Variants in CSF2RA observed in about 807,000 individuals in gnomAD.
CSF2RA encodes the protein granulocyte-macrophage colony-stimulating factor receptor subunit alpha.
CSF2RA carries 42 observed loss-of-function variants against 51.6 expected under a neutral mutation model. The ratio of observed to expected loss-of-function variants is 0.81; its 90% confidence interval spans 0.64 to 1.05. CSF2RA has a LOEUF of 1.05. CSF2RA is among the 50% of genes least tolerant of loss of function. CSF2RA has a pLI of 0.00. For missense variants in CSF2RA, 530 were observed against 501.1 expected (o/e 1.06, Z -0.55); for synonymous variants, 222 against 193.0 (o/e 1.15, Z -1.24).
In CSF2RA at chrX:1,281,372, TCTCCTC is replaced by T. The variant is rs1247249639; in HGVS notation, c.-26-1298_-26-1293del. ...TCTTCCTCCTTCTCCTCCTCCTCCT[TCTCCTC>T]CTCCTCCCTCTCCTCCTCCTCCGCC... On this transcript the variant is annotated intron_variant, in intron 2 of 12. Coordinates refer to ENST00000381529, the MANE Select transcript of CSF2RA (RefSeq NM_172245.4). Among the ~76,000 whole-genome samples the T allele has an allele frequency of 6.1e-4, 34 of 56,106 alleles. 1 individual carries two copies. The highest frequency in any genetic ancestry group is 9.6e-4 in the Non-Finnish European group (27 of 28,154). The allele number at this position is 56,106 out of a possible 152,430, so 36.8% of individuals were successfully genotyped here. A position where few individuals can be genotyped will look rare whatever the true frequency, so the allele number is the denominator to read the frequency against.
At chrX:1,319,382 G>A in the CSF2RA span, among the ~76,000 whole-genome samples, 2 of 148,290 alleles carry the variant, frequency 1.3e-5, no homozygotes, top group African/African-American at 4.9e-5. Context: ...CAGACTCCCC[G>A]GCTTAGCGAT....
chrX:1,321,393 C>T, the CSF2RA span, among the ~76,000 whole-genome samples: 6 of 151,992 alleles, frequency 3.9e-5, no homozygotes, highest in East Asian at 1.9e-4. Context: ...GGCGTGAACC[C>T]GGGAGGCGGA....
the CSF2RA span, among the ~76,000 whole-genome samples, chrX:1,322,467 A>G: frequency 8.1e-6 from 1 of 122,756 alleles, no homozygotes; most frequent in Non-Finnish European, 1.6e-5. Context: ...TTTGAAAGGT[A>G]GCTCTCCAGA....
At chrX:1,318,203 G>A in the CSF2RA span, among the ~76,000 whole-genome samples, 1 of 147,208 alleles carries the variant, frequency 6.8e-6, no homozygotes, top group Non-Finnish European at 1.5e-5. Flanking sequence ...CATTCTAGTT[G>A]CCCAGGTTGG....
intron 12 of CSF2RA, among the ~76,000 whole-genome samples, chrX:1,309,103 G>T (rs2083970658): frequency 6.6e-6 from 1 of 152,068 alleles, no homozygotes; most frequent in Admixed American, 6.5e-5. Flanking sequence ...GCTAAAGGGG[G>T]AAAGGTGGGC....
chrX:1,280,407 G>A (rs1350871994), intron 2 of CSF2RA, among the ~76,000 whole-genome samples: 1 of 150,300 alleles, frequency 6.7e-6, no homozygotes, highest in Admixed American at 6.7e-5. Flanking sequence ...GGAGGCGGAG[G>A]TTGCAGTGAG....
intron 12 of CSF2RA, among the ~76,000 whole-genome samples, chrX:1,307,301 C>G (rs1352905872): frequency 6.6e-6 from 1 of 152,160 alleles, no homozygotes; most frequent in Non-Finnish European, 1.5e-5. Context: ...AGACCAGGCC[C>G]ACTCTTCTCC....
the CSF2RA span, among the ~76,000 whole-genome samples, chrX:1,323,884 G>GTAC: frequency 6.6e-6 from 1 of 151,874 alleles, no homozygotes; most frequent in Non-Finnish European, 1.5e-5. Flanking sequence ...CGTGGTGGTG[G>GTAC]GCGCCTGTAG....
At chrX:1,304,917 C>T (rs28566708) in intron 11 of CSF2RA, among the ~76,000 whole-genome samples, 1 of 151,524 alleles carries the variant, frequency 6.6e-6, no homozygotes, top group Non-Finnish European at 1.5e-5. Context: ...CACCCGCCTT[C>T]GCCTCCCAAA....
the CSF2RA span, among the ~76,000 whole-genome samples, chrX:1,323,712 C>G: frequency 2.0e-5 from 3 of 151,250 alleles, no homozygotes; most frequent in African/African-American, 7.3e-5. Flanking sequence ...AGTGAGACCC[C>G]CATCTCTTAA....
At chrX:1,272,550 C>T (rs191404012) in intron 1 of CSF2RA, among the ~76,000 whole-genome samples, 5 of 151,334 alleles carry the variant, frequency 3.3e-5, no homozygotes, top group Admixed American at 2.6e-4. Flanking sequence ...TGCAGTGGTG[C>T]GATCTCAGCT....
At chrX:1,305,975 G>T in intron 12 of CSF2RA, 1 of 594,932 alleles carries the variant, frequency 1.7e-6, no homozygotes. Context: ...CCAGTGACTC[G>T]GGAGGCTGGG....
intron 4 of CSF2RA, among the ~76,000 whole-genome samples, chrX:1,286,437 C>CTT (rs2090667368): frequency 6.7e-6 from 1 of 149,504 alleles, no homozygotes; most frequent in Non-Finnish European, 1.5e-5. Flanking sequence ...GGCATGGTGG[C>CTT]AGGCATCTGT....
intron 9 of CSF2RA, among the ~76,000 whole-genome samples, chrX:1,297,879 C>T: frequency 1.8e-5 from 2 of 112,514 alleles, no homozygotes; most frequent in African/African-American, 6.8e-5. Flanking sequence ...CCTGGCGGAA[C>T]CCTACAGTCC....
At chrX:1,296,068 C>A (rs1239948079) in intron 9 of CSF2RA, among the ~76,000 whole-genome samples, 7 of 151,166 alleles carry the variant, frequency 4.6e-5, no homozygotes, top group Admixed American at 4.6e-4. Flanking sequence ...CAGTCCCCTA[C>A]CCATGAGCCC....
At chrX:1,280,978 TTCTCCTCCTCCTCCTTCTCCTCCTCCTC>T (rs2089913883) in intron 2 of CSF2RA, among the ~76,000 whole-genome samples, 1 of 113,610 alleles carries the variant, frequency 8.8e-6, no homozygotes, top group East Asian at 3.0e-4. Flanking sequence ...CTCCTCCTGC[TTCTCCTCCTCCTCCTTCTCCTCCTCCTC>T]CTTCTCCTCC....
downstream of CSF2RA, among the ~76,000 whole-genome samples, chrX:1,314,995 G>C (rs1177258879): frequency 7.9e-6 from 1 of 126,916 alleles, no homozygotes; most frequent in African/African-American, 2.8e-5. Context: ...CACTGCACCT[G>C]CCCAACCCCA....
chrX:1,304,526 G>C (rs1272611718), intron 11 of CSF2RA, among the ~76,000 whole-genome samples: 3 of 151,710 alleles, frequency 2.0e-5, no homozygotes, highest in Non-Finnish European at 4.4e-5. Flanking sequence ...CAGGCAGTCA[G>C]CTGTGGGCAG....
At chrX:1,303,102 G>A (rs2083170534) in intron 10 of CSF2RA, among the ~76,000 whole-genome samples, 1 of 141,438 alleles carries the variant, frequency 7.1e-6, no homozygotes. Flanking sequence ...GTGTCACCCA[G>A]GCTGGAGTGC....
Sources: allele counts gnomAD v4.1 joint callset (sites outside exome capture counted in the v4.1 genomes callset), GRCh38; gene constraint gnomAD v4.1.1; transcripts MANE v1.5; gene names NCBI Gene and HGNC (gene_info 2026-07-23, HGNC 2026-07-21).